HNRNPAB: variants seen among roughly 807,000 people sequenced by gnomAD.
The protein encoded by HNRNPAB is ABBP-1.
In HNRNPAB, 17 loss-of-function variants were observed where a neutral mutation model predicts 44.1. The observed-to-expected ratio is 0.39, with a 90% CI of 0.26 to 0.58. HNRNPAB has a LOEUF of 0.58. Ranked by LOEUF, HNRNPAB falls within the 20% of genes least tolerant of loss-of-function variation. HNRNPAB has a pLI of 0.63. For missense variants in HNRNPAB, 393 were observed against 432.7 expected (o/e 0.91, Z 0.81); for synonymous variants, 183 against 167.6 (o/e 1.09, Z -0.71).
chr5:178,207,587 C>A (rs760323667), intron 5 of HNRNPAB, among the ~76,000 whole-genome samples: 2 of 151,708 alleles, frequency 1.3e-5, no homozygotes, highest in Non-Finnish European at 2.9e-5. Flanking sequence ...CCTAGAACTT[C>A]TGCAACTCAC....
rs1259692756 is a variant in HNRNPAB, at chr5:178,206,723, T to G, written c.379-9T>G. The G allele has an allele frequency of 1.2e-6, 2 of 1,612,966 alleles. No homozygotes were observed. The highest frequency in any genetic ancestry group is 1.3e-5 in the African/African-American group (1 of 74,880). On this transcript the variant is annotated splice_polypyrimidine_tract_variant and intron_variant, in intron 3 of 7. Coordinates refer to ENST00000358344, the MANE Select transcript of HNRNPAB (RefSeq NM_031266.3). ...GCTGAGTCAGCCTGACCCCTTTCTG[T>G]TGGAACAGGTCCTAGACCAGAAGGA...
chr5:178,211,148 A>AGCTGGACAT lies in HNRNPAB; in HGVS notation c.*525_*526insGCTGGACAT, dbSNP rs1216816940. On this transcript the variant is annotated 3_prime_UTR_variant, in exon 8 of 8. Coordinates refer to ENST00000358344, the MANE Select transcript of HNRNPAB (RefSeq NM_031266.3). ...AAGCTATCCAAGCTTTTGAAATAAAATTTAAAAACCCCCAAGCCTGGGTGA... is the reference window on the plus strand; with the variant it reads ...AAGCTATCCAAGCTTTTGAAATAAAAGCTGGACATTTTAAAAACCCCCAAGCCTGGGTGA... The AGCTGGACAT allele has an allele frequency of 6.4e-6, 1 of 155,592 alleles. No homozygotes were observed. The highest frequency in any genetic ancestry group is 1.9e-4 in the East Asian group (1 of 5,210). 9.6% of individuals were successfully genotyped at this position (155,592 alleles called of 1,614,324 possible). A position where few individuals can be genotyped will look rare whatever the true frequency, so the allele number is the denominator to read the frequency against.
At position 178,206,889 on chromosome 5, in the gene HNRNPAB, A is replaced by C. The variant is rs1311365365; in HGVS notation, c.536A>C (p.Glu179Ala). 1 of 1,613,848 alleles carries C rather than the reference A, an allele frequency of 6.2e-7. No individual in the cohort carries two copies. Among genetic ancestry groups the C allele is most frequent in the Non-Finnish European group, 8.5e-7 (1 of 1,179,956 alleles). ...KIREYFGEFG[E>A]IEAIELPMDP... ...AGGGAGTACTTTGGCGAGTTTGGGG[A>C]GGTGAGTGTGGCTCTGGGAATAGCC... Residue 179 changes from glutamate (E) to alanine (A), a missense_variant and splice_region_variant, in exon 4 of 8, where the codon GAG becomes GCG. This residue lies in a region of HNRNPAB where 102 missense variants were observed against 162.3 expected (regional missense o/e 0.63). Coordinates refer to ENST00000358344, the MANE Select transcript of HNRNPAB (RefSeq NM_031266.3).
rs368576624 is a variant in HNRNPAB, at chr5:178,210,659, G to T, written c.*36G>T. The T allele has an allele frequency of 3.9e-5, 60 of 1,528,068 alleles. No homozygotes were observed. In the African/African-American group the frequency reaches 7.4e-4, roughly 19 times the overall value. The allele number at this position is 1,528,068 out of a possible 1,614,324, so 94.7% of individuals were successfully genotyped here. On this transcript the variant is annotated 3_prime_UTR_variant, in exon 8 of 8. Transcript: ENST00000358344. ...GGAGCGACCAACTGATCGCACACAT[G>T]CTTTGTTTGGATATGGAGTGAACAC...
rs1369201934 is a variant in HNRNPAB at position 178,210,988 on chromosome 5, A to AT, written c.*369dup. On this transcript the variant is annotated 3_prime_UTR_variant, in exon 8 of 8. Transcript: ENST00000358344. Reference sequence around the variant, plus strand: ...AGTGTCACCTTTTTTTCACCTTTTAATTTTATATTATTTGCGTCATACATT... The same window carrying AT: ...AGTGTCACCTTTTTTTCACCTTTTAATTTTTATATTATTTGCGTCATACATT... The AT allele has an allele frequency of 4.2e-6, 1 of 239,160 alleles. No individual in the cohort carries two copies. Among genetic ancestry groups the AT allele is most frequent in the Non-Finnish European group, 8.1e-6 (1 of 123,170 alleles). The allele number at this position is 239,160 out of a possible 1,614,324, so 14.8% of individuals were successfully genotyped here.
rs759913570 is a variant in HNRNPAB at position 178,206,860 on chromosome 5, G to T, written c.507G>T (p.Lys169Asn). ...TGAATCCTGAAGCCACTGAGGAAAA[G>T]ATCAGGGAGTACTTTGGCGAGTTTG... ...GGLNPEATEE[K>N]IREYFGEFGE... The change falls in exon 4 of 8, where the codon AAG becomes AAT. Residue 169 changes from lysine (K) to asparagine (N), a missense_variant. This residue lies in a region of HNRNPAB where 102 missense variants were observed against 162.3 expected (regional missense o/e 0.63). Coordinates refer to ENST00000358344, the MANE Select transcript of HNRNPAB (RefSeq NM_031266.3). 7 of 1,614,208 alleles carry T rather than the reference G, an allele frequency of 4.3e-6. No individual in the cohort carries two copies. Among genetic ancestry groups the T allele is most frequent in the Non-Finnish European group, 5.9e-6 (7 of 1,180,030 alleles).
chr5:178,206,656 G>A (rs1462892093), intron 3 of HNRNPAB, 76 bp from the exon 4 acceptor site: 24 of 1,430,606 alleles, frequency 1.7e-5, no homozygotes, highest in Non-Finnish European at 2.9e-6. Flanking sequence ...CTGTACTGGT[G>A]TCTTTATGGC....
Position 178,210,199 on chromosome 5 carries a change from C to A in HNRNPAB, c.855C>A (p.Gly285=), listed in dbSNP as rs766040725. The A allele has an allele frequency of 1.2e-5, 19 of 1,612,742 alleles. No individual in the cohort carries two copies. The highest frequency in any genetic ancestry group is 1.7e-5 in the Admixed American group (1 of 59,964). ...YWNQGYGYQQ[G]YGPGYGGYDY... is the part of the protein sequence containing the mutation. ...ACCAGGGCTACGGCTACCAGCAGGG[C>A]TACGGGCCTGGCTATGGCGGCTACG... The change falls in exon 7 of 8, where the codon GGC becomes GGA. Residue 285 remains glycine (G), a synonymous_variant. Transcript: ENST00000358344.
chr5:178,209,613 AGGCTGTT>A (rs1483978007), intron 6 of HNRNPAB, among the ~76,000 whole-genome samples, 166 bp downstream of exon 6: 1 of 152,128 alleles, frequency 6.6e-6, no homozygotes, highest in Non-Finnish European at 1.5e-5. Flanking sequence ...TGTATGCTTG[AGGCTGTT>A]GCCTGCTGCT....
chr5:178,207,355 T>C (rs1391683463), intron 5 of HNRNPAB, 130 bp downstream of exon 5: 2 of 1,069,334 alleles, frequency 1.9e-6, no homozygotes, highest in African/African-American at 3.2e-5. Context: ...CTCTGAAGCG[T>C]ATGCTGCCCT....
chr5:178,206,947 G>A (rs1485472427), intron 4 of HNRNPAB, 57 bp downstream of exon 4: 2 of 1,603,644 alleles, frequency 1.2e-6, no homozygotes, highest in East Asian at 2.2e-5. Context: ...CTTCTTTCTG[G>A]TCCTTGGTAT....
intron 6 of HNRNPAB, 62 bp from the exon 7 acceptor site, chr5:178,210,070 C>T (rs1581178648): frequency 1.3e-6 from 2 of 1,586,654 alleles, no homozygotes; most frequent in East Asian, 2.2e-5. Flanking sequence ...AGGATTTCCT[C>T]CATCCTAGCT....
At chr5:178,210,382 C>G in intron 7 of HNRNPAB, 110 bp downstream of exon 7, 1 of 1,579,526 alleles carries the variant, frequency 6.3e-7, no homozygotes, top group Non-Finnish European at 8.6e-7. Flanking sequence ...AGGCCTGGCT[C>G]AGCCATGGGA....
intron 1 of HNRNPAB, 27 bp downstream of exon 1, chr5:178,204,767 T>G: frequency 2.9e-6 from 3 of 1,018,030 alleles, no homozygotes; most frequent in Non-Finnish European, 3.7e-6. Flanking sequence ...GGGCGGGAGC[T>G]CTGGCGGGAG....
At position 178,206,737 on chromosome 5, in the gene HNRNPAB, A is replaced by G; in HGVS notation, c.384A>G (p.Leu128=). 1 of 1,613,712 alleles carries G rather than the reference A, an allele frequency of 6.2e-7. No individual in the cohort carries two copies. Among genetic ancestry groups the G allele is most frequent in the South Asian group, 1.1e-5 (1 of 91,056 alleles). The change falls in exon 4 of 8, where the codon CTA becomes CTG. Residue 128 remains leucine, a synonymous_variant. Transcript: ENST00000358344. The stretch of plus-strand genomic sequence containing the variant: ...ACCCCTTTCTGTTGGAACAGGTCCT[A>G]GACCAGAAGGAGCACAGGCTGGATG... ...FKDAASVEKV[L]DQKEHRLDGR... is the part of the protein sequence containing the mutation.
At chr5:178,209,840 T>G (rs1757639137) in intron 6 of HNRNPAB, among the ~76,000 whole-genome samples, 1 of 152,106 alleles carries the variant, frequency 6.6e-6, no homozygotes, top group Non-Finnish European at 1.5e-5. Context: ...CTGAACTGCA[T>G]CTTTTTAAAG....
intron 5 of HNRNPAB, chr5:178,209,005 G>A (rs142333197): frequency 7.1e-6 from 2 of 282,562 alleles, no homozygotes; most frequent in East Asian, 1.6e-4. Context: ...CAGGACCAAG[G>A]TGTGGTGCCT....
At chr5:178,210,451 TGCTGTCACG>T (rs1396702113) in intron 7 of HNRNPAB, 93 bp from the exon 8 acceptor site, 5 of 1,489,236 alleles carry the variant, frequency 3.4e-6, no homozygotes, top group Middle Eastern at 1.7e-4. Context: ...AGGCAGTCTC[TGCTGTCACG>T]GCTGGTGAGG....
intron 5 of HNRNPAB, 82 bp downstream of exon 5, chr5:178,207,307 A>G: frequency 6.6e-7 from 1 of 1,524,510 alleles, no homozygotes; most frequent in Non-Finnish European, 8.9e-7. Flanking sequence ...GTTGGGCCTC[A>G]TGCAGGAGCT....
Sources: allele counts gnomAD v4.1 joint callset (sites outside exome capture counted in the v4.1 genomes callset), GRCh38; gene constraint gnomAD v4.1.1; regional missense constraint gnomAD v4.1.1; transcripts MANE v1.5; gene names NCBI Gene and HGNC (gene_info 2026-07-23, HGNC 2026-07-21).